CDH9: variants seen among roughly 807,000 people sequenced by gnomAD.
The protein encoded by CDH9 is cadherin 9.
CDH9 carries 28 observed loss-of-function variants against 70.9 expected under a neutral mutation model. The observed-to-expected ratio is 0.40, with a 90% confidence interval of 0.29 to 0.54. The LOEUF is 0.54. CDH9 is among the 20% of genes least tolerant of loss of function. The pLI, the probability that CDH9 is intolerant of heterozygous loss-of-function variation, is 0.59. For synonymous variants in CDH9, 409 were observed against 343.1 expected, an observed-to-expected ratio of 1.19 and a Z score of -2.12; for missense variants, 874 against 984.4, an observed-to-expected ratio of 0.89 and a Z score of 1.50.
intron 2 of CDH9, among the ~76,000 whole-genome samples, chr5:26,937,029 A>C (rs1741571145): frequency 1.3e-5 from 2 of 152,168 alleles, no homozygotes; most frequent in Non-Finnish European, 2.9e-5. Flanking sequence ...AAAAATTGGT[A>C]AATTGAACTT....
At chr5:26,917,414 G>A (rs984774614) in intron 2 of CDH9, among the ~76,000 whole-genome samples, 18 of 151,872 alleles carry the variant, frequency 1.2e-4, no homozygotes, top group Non-Finnish European at 1.9e-4. Flanking sequence ...TATCAAGAAA[G>A]TAAATTTTAG....
chr5:26,940,964 T>C (rs1741652271), intron 2 of CDH9, among the ~76,000 whole-genome samples: 5 of 152,176 alleles, frequency 3.3e-5, no homozygotes, highest in Admixed American at 3.3e-4. Flanking sequence ...GCCGATGTAA[T>C]AGATAGGGTT....
chr5:26,899,353 A>G (rs1415373901), intron 7 of CDH9, among the ~76,000 whole-genome samples: 1 of 152,208 alleles, frequency 6.6e-6, no homozygotes, highest in East Asian at 1.9e-4. Context: ...TCATTCTACT[A>G]TAAAGACACA....
intron 2 of CDH9, among the ~76,000 whole-genome samples, chr5:26,944,490 A>T (rs1036029226): frequency 6.6e-6 from 1 of 151,914 alleles, no homozygotes; most frequent in Non-Finnish European, 1.5e-5. Flanking sequence ...TTTCCCCCCA[A>T]ACTTTTAAAA....
intron 3 of CDH9, among the ~76,000 whole-genome samples, chr5:26,911,048 T>C (rs948100090): frequency 3.9e-5 from 6 of 152,194 alleles, no homozygotes; most frequent in Non-Finnish European, 1.5e-5. Context: ...ATGCAAACTC[T>C]TTAAGGGCAG....
intron 1 of CDH9, among the ~76,000 whole-genome samples, chr5:27,018,531 T>C (rs1038636376): frequency 4.6e-5 from 7 of 152,044 alleles, no homozygotes; most frequent in Middle Eastern, 3.4e-3. Flanking sequence ...CTCTAAATCA[T>C]GTAATCATGT....
chr5:26,961,738 A>C (rs1297523431), intron 2 of CDH9, among the ~76,000 whole-genome samples: 1 of 152,308 alleles, frequency 6.6e-6, no homozygotes, highest in Admixed American at 6.5e-5. Flanking sequence ...GTGTTGTAGG[A>C]GATCATATTT....
intron 2 of CDH9, among the ~76,000 whole-genome samples, chr5:26,961,025 C>CTT: frequency 6.6e-6 from 1 of 151,744 alleles, no homozygotes; most frequent in African/African-American, 2.4e-5. Context: ...TAGAGTCCTT[C>CTT]CTCTCTTCTT....
At chr5:27,001,844 A>ACTCTCTCTCTCTCTCTCT (rs141271541) in intron 1 of CDH9, among the ~76,000 whole-genome samples, 58 of 142,052 alleles carry the variant, frequency 4.1e-4, no homozygotes, top group African/African-American at 1.5e-3. Flanking sequence ...ACACACACAC[A>ACTCTCTCTCTCTCTCTCT]CTCTCTCTCT....
chr5:26,957,383 AG>A (rs1245670691), intron 2 of CDH9, among the ~76,000 whole-genome samples: 3 of 152,092 alleles, frequency 2.0e-5, no homozygotes, highest in African/African-American at 7.2e-5. Flanking sequence ...TATCTTTGGC[AG>A]GGCCTGGTGG....
At chr5:26,944,948 C>A (rs1302528541) in intron 2 of CDH9, among the ~76,000 whole-genome samples, 3 of 103,406 alleles carry the variant, frequency 2.9e-5, no homozygotes, top group Non-Finnish European at 4.2e-5. Context: ...TTGATATACA[C>A]TATTAGTAGA....
At chr5:27,021,721 A>C (rs577689167) in intron 1 of CDH9, among the ~76,000 whole-genome samples, 2 of 151,930 alleles carry the variant, frequency 1.3e-5, no homozygotes, top group Non-Finnish European at 2.9e-5. Context: ...AGACTGGGGC[A>C]AGATATCATT....
chr5:26,885,548 C>A (rs1740549295), intron 11 of CDH9, 66 bp downstream of exon 11: 1 of 1,313,952 alleles, frequency 7.6e-7, no homozygotes, highest in South Asian at 1.2e-5. Context: ...ATTCAGTGCA[C>A]CATGCTCAGA....
intron 7 of CDH9, among the ~76,000 whole-genome samples, chr5:26,895,406 G>A (rs1431631314): frequency 6.6e-6 from 1 of 151,910 alleles, no homozygotes; most frequent in African/African-American, 2.4e-5. Flanking sequence ...CCACTATACA[G>A]GAATGCACTT....
intron 2 of CDH9, among the ~76,000 whole-genome samples, chr5:26,965,093 C>T (rs916958954): frequency 4.6e-5 from 7 of 152,040 alleles, no homozygotes; most frequent in African/African-American, 1.4e-4. Flanking sequence ...AAGGGACAGA[C>T]GCTGAGTAGA....
chr5:26,960,651 A>G (rs149369499), intron 2 of CDH9, among the ~76,000 whole-genome samples: 1 of 152,112 alleles, frequency 6.6e-6, no homozygotes, highest in African/African-American at 2.4e-5. Flanking sequence ...CAATGATAAC[A>G]CTTTATATGC....
chr5:27,012,633 T>C (rs960797301), intron 1 of CDH9, among the ~76,000 whole-genome samples: 22 of 152,088 alleles, frequency 1.4e-4, no homozygotes, highest in Admixed American at 1.1e-3. Flanking sequence ...AGATTATTTG[T>C]ACAAGCCAAA....
At chr5:26,899,240 A>G (rs1235127181) in intron 7 of CDH9, among the ~76,000 whole-genome samples, 1 of 152,152 alleles carries the variant, frequency 6.6e-6, no homozygotes, top group Non-Finnish European at 1.5e-5. Flanking sequence ...AATTAGTTCA[A>G]CCATTGTAGA....
intron 2 of CDH9, among the ~76,000 whole-genome samples, chr5:26,953,208 T>C (rs570625668): frequency 6.6e-6 from 1 of 152,298 alleles, no homozygotes; most frequent in African/African-American, 2.4e-5. Flanking sequence ...GCCAACCATT[T>C]GACACATACA....
Sources: allele counts gnomAD v4.1 joint callset (sites outside exome capture counted in the v4.1 genomes callset), GRCh38; gene constraint gnomAD v4.1.1; transcripts MANE v1.5; gene names NCBI Gene and HGNC (gene_info 2026-07-23, HGNC 2026-07-21).